Variants in UTY observed in about 807,000 individuals in gnomAD.
The protein encoded by UTY is ubiquitously transcribed tetratricopeptide repeat containing, Y-linked.
UTY carries 12 observed loss-of-function variants against 32.5 expected under a neutral mutation model. The ratio of observed to expected loss-of-function variants is 0.37; its 90% CI spans 0.24 to 0.60. UTY has a LOEUF of 0.60. Ranked by LOEUF, UTY falls within the 20% of genes least tolerant of loss-of-function variation. The pLI is 0.69. For missense variants in UTY, 303 were observed against 299.2 expected, an observed-to-expected ratio of 1.01 and a Z score of -0.09; for synonymous variants, 131 against 103.4, an observed-to-expected ratio of 1.27 and a Z score of -1.62.
intron 18 of UTY, among the ~76,000 whole-genome samples, chrY:13,331,597 G>C: frequency 5.9e-5 from 2 of 33,931 alleles, no homozygotes; most frequent in Non-Finnish European, 1.5e-4. Flanking sequence ...CTGACAATTT[G>C]ACAGAAGTAG....
intron 24 of UTY, among the ~76,000 whole-genome samples, chrY:13,304,541 A>G (rs372040969): frequency 1.5e-4 from 5 of 33,495 alleles, no homozygotes; most frequent in African/African-American, 5.8e-4. Flanking sequence ...ATCTAACTCT[A>G]TAAGTGCCTT....
chrY:13,400,429 G>C, intron 6 of UTY, among the ~76,000 whole-genome samples: 1 of 33,023 alleles, frequency 3.0e-5, no homozygotes, highest in Non-Finnish European at 7.5e-5. Flanking sequence ...AGAAAGCTTT[G>C]TCTGTATAAG....
intron 8 of UTY, among the ~76,000 whole-genome samples, chrY:13,370,829 G>A (rs2064840184): frequency 3.1e-5 from 1 of 32,289 alleles, no homozygotes; most frequent in South Asian, 7.2e-4. Context: ...TGGGTGGATC[G>A]CTTCAGCCCA....
At chrY:13,313,264 A>G (rs2059303084) in intron 21 of UTY, among the ~76,000 whole-genome samples, 1 of 33,912 alleles carries the variant, frequency 2.9e-5, no homozygotes, top group South Asian at 6.6e-4. Flanking sequence ...AAAGGCTGGA[A>G]TGTAACAAAA....
At chrY:13,383,655 T>C in intron 8 of UTY, among the ~76,000 whole-genome samples, 2 of 29,434 alleles carry the variant, frequency 6.8e-5, no homozygotes, top group African/African-American at 2.7e-4. Context: ...GCAAATTAGA[T>C]ATAAAAAAAT....
Position 13,324,676 on chromosome Y carries a change from G to T in UTY, c.2995C>A (p.Pro999Thr). The T allele has an allele frequency of 2.5e-6, 1 of 397,221 alleles. No individual in the cohort carries two copies. The highest frequency in any genetic ancestry group is 7.5e-5 in the Admixed American group (1 of 13,343). The change falls in exon 20 of 30, where the codon CCA becomes ACA. Residue 999 changes from proline to threonine, a missense_variant. By Grantham distance (38) the Pro-to-Thr change is conservative (BLOSUM62 -1). Coordinates refer to ENST00000545955, the MANE Select transcript of UTY (RefSeq NM_001258249.2). ...GGATTTGTACAAAATTGATGTAATG[G>T]AGGAAAGAAAGCATCACGTTTATTT... ...LENKRDAFFPPLHQFCTNPKN... is the reference protein window; with the variant it reads ...LENKRDAFFPTLHQFCTNPKN...
At chrY:13,446,630 A>G in intron 4 of UTY, among the ~76,000 whole-genome samples, 1 of 31,348 alleles carries the variant, frequency 3.2e-5, no homozygotes, top group Non-Finnish European at 7.7e-5. Context: ...AGACAGACAG[A>G]CAGACAGACA....
chrY:13,337,876 C>T (rs769653308), intron 17 of UTY, among the ~76,000 whole-genome samples: 1 of 32,532 alleles, frequency 3.1e-5, no homozygotes, highest in Admixed American at 2.8e-4. Flanking sequence ...GATATTCTCA[C>T]ACAATGTACA....
intron 5 of UTY, among the ~76,000 whole-genome samples, chrY:13,413,940 T>G (rs865988231): frequency 1.2e-4 from 4 of 34,521 alleles, no homozygotes; most frequent in South Asian, 1.2e-3. Context: ...GGAACCAAAC[T>G]TGAGCAGAGG....
At chrY:13,429,246 A>T (rs9786360) in intron 4 of UTY, among the ~76,000 whole-genome samples, 6,423 of 33,076 alleles carry the variant, frequency 0.19, no homozygotes, top group African/African-American at 0.62. Flanking sequence ...GGTTTGGCCA[A>T]ACTCCTGGGG....
chrY:13,251,946 C>T, intron 28 of UTY, among the ~76,000 whole-genome samples: 1 of 30,722 alleles, frequency 3.3e-5, no homozygotes, highest in East Asian at 8.4e-4. Context: ...TTTGGGAGGC[C>T]GAGGCGGGCG....
chrY:13,287,635 T>G, intron 27 of UTY, among the ~76,000 whole-genome samples: 1 of 33,036 alleles, frequency 3.0e-5, no homozygotes, highest in South Asian at 6.9e-4. Context: ...CAAAAAAAGT[T>G]ACACAGTAAA....
intron 4 of UTY, among the ~76,000 whole-genome samples, chrY:13,421,222 TAGC>T: frequency 3.0e-5 from 1 of 32,977 alleles, no homozygotes; most frequent in Non-Finnish European, 7.5e-5. Context: ...AGTCAAAAAA[TAGC>T]AGGTGCTGGC....
chrY:13,266,086 G>T, intron 27 of UTY, among the ~76,000 whole-genome samples: 1 of 32,787 alleles, frequency 3.0e-5, no homozygotes, highest in Admixed American at 2.8e-4. Context: ...CAGAAAGAAT[G>T]GTACCAGCTC....
At chrY:13,326,190 T>A in intron 19 of UTY, 31 bp downstream of exon 19, 1 of 393,670 alleles carries the variant, frequency 2.5e-6, no homozygotes, top group Non-Finnish European at 3.6e-6. Flanking sequence ...AGACTCTCGA[T>A]TTATTTATAA....
intron 28 of UTY, among the ~76,000 whole-genome samples, chrY:13,251,906 C>T (rs2054184935): frequency 3.1e-5 from 1 of 32,459 alleles, no homozygotes; most frequent in Non-Finnish European, 7.5e-5. Flanking sequence ...ATTGGCCGGG[C>T]GCGGTGGCTC....
In UTY at chrY:13,386,070, T is replaced by C. The variant is rs759135307; in HGVS notation, c.645+7789A>G. Among the ~76,000 whole-genome samples the C allele has an allele frequency of 4.1e-4, 13 of 31,589 alleles. No homozygotes were observed. In the East Asian group the frequency reaches 0.011, roughly 26 times the overall value. The allele number at this position is 31,589 out of a possible 37,273, so 84.8% of individuals were successfully genotyped here. Reference sequence around the variant, plus strand: ...ATACTTTCTAAAAGTTTCTTCATTATTAATTTCTGAAAGTCTATTTCATTT... The same window carrying C: ...ATACTTTCTAAAAGTTTCTTCATTACTAATTTCTGAAAGTCTATTTCATTT... On this transcript the variant is annotated intron_variant, in intron 8 of 29. Coordinates refer to ENST00000545955, the MANE Select transcript of UTY (RefSeq NM_001258249.2).
rs776214640 is a variant in UTY, at chrY:13,355,149, G to A, written c.1915C>T (p.Leu639=). Residue 639 remains leucine, a synonymous_variant, in exon 17 of 30, where the codon CTA becomes TTA. Transcript: ENST00000545955. ...KILGSTDTIL[L]GSNCIAGSES... is the part of the protein sequence containing the mutation. Reference sequence around the variant, plus strand: ...CTTCCTGCTATACAATTACTGCCTAGCAAGATAGTGTCTGTACTTCCTAGA... The same window carrying A: ...CTTCCTGCTATACAATTACTGCCTAACAAGATAGTGTCTGTACTTCCTAGA... 1 of 398,065 alleles carries A rather than the reference G, an allele frequency of 2.5e-6. No homozygotes were observed. The highest frequency in any genetic ancestry group is 3.0e-5 in the South Asian group (1 of 33,670).
intron 17 of UTY, among the ~76,000 whole-genome samples, chrY:13,344,790 G>T (rs2061779662): frequency 6.1e-5 from 2 of 32,831 alleles, no homozygotes; most frequent in Non-Finnish European, 1.5e-4. Flanking sequence ...TAAAGGTTTT[G>T]CCAGGAAACT....
Sources: allele counts gnomAD v4.1 joint callset (sites outside exome capture counted in the v4.1 genomes callset), GRCh38; gene constraint gnomAD v4.1.1; transcripts MANE v1.5; gene names NCBI Gene and HGNC (gene_info 2026-07-23, HGNC 2026-07-21).